DACH1: variants seen among roughly 807,000 people sequenced by gnomAD.
DACH1 encodes dachshund homolog 1.
DACH1 carries 12 observed loss-of-function variants against 54.2 expected under a neutral mutation model. That is an observed-to-expected ratio of 0.22 (90% CI 0.14 to 0.36). DACH1 has a LOEUF of 0.36. DACH1 is among the 10% of genes least tolerant of loss of function. The pLI, the probability that DACH1 is intolerant of heterozygous loss-of-function variation, is 1.00. For missense variants in DACH1, 805 were observed against 929.8 expected (o/e 0.87, Z 1.75); for synonymous variants, 386 against 366.2 (o/e 1.05, Z -0.62).
intron 2 of DACH1, among the ~76,000 whole-genome samples, chr13:71,645,297 A>T (rs1594037800): frequency 6.6e-6 from 1 of 152,230 alleles, no homozygotes; most frequent in African/African-American, 2.4e-5. Context: ...AGAAAAATGC[A>T]GAAATATCAA....
chr13:71,680,554 C>T (rs374785956), intron 2 of DACH1, among the ~76,000 whole-genome samples: 4 of 152,026 alleles, frequency 2.6e-5, no homozygotes, highest in South Asian at 2.1e-4. Flanking sequence ...CAGTGAGCCA[C>T]GACTGAGCGA....
chr13:71,757,719 C>T (rs1594184901), intron 1 of DACH1, among the ~76,000 whole-genome samples: 1 of 152,130 alleles, frequency 6.6e-6, no homozygotes, highest in East Asian at 1.9e-4. Flanking sequence ...GATGGGGCTT[C>T]ACCATGTTGG....
chr13:71,721,151 T>C (rs1883212342), intron 1 of DACH1, among the ~76,000 whole-genome samples: 1 of 152,158 alleles, frequency 6.6e-6, no homozygotes, highest in Admixed American at 6.6e-5. Flanking sequence ...ATACATAGTG[T>C]CGATGTTCAG....
intron 1 of DACH1, among the ~76,000 whole-genome samples, chr13:71,730,142 T>C (rs1394654309): frequency 6.6e-6 from 1 of 152,024 alleles, no homozygotes; most frequent in East Asian, 1.9e-4. Flanking sequence ...ATGGCACATG[T>C]ATACATATGT....
chr13:71,802,405 T>TAAGGG (rs1417357649), intron 1 of DACH1, among the ~76,000 whole-genome samples: 1 of 152,096 alleles, frequency 6.6e-6, no homozygotes, highest in Non-Finnish European at 1.5e-5. Flanking sequence ...TGAATCATTA[T>TAAGGG]TAATTTATAT....
chr13:71,531,268 T>G (rs1228825997), intron 6 of DACH1, among the ~76,000 whole-genome samples: 2 of 152,130 alleles, frequency 1.3e-5, no homozygotes, highest in Admixed American at 6.6e-5. Flanking sequence ...TTATCATGCA[T>G]GTATAAATAT....
intron 5 of DACH1, among the ~76,000 whole-genome samples, chr13:71,559,361 A>C (rs1884446275): frequency 6.6e-6 from 1 of 152,156 alleles, no homozygotes; most frequent in Admixed American, 6.5e-5. Context: ...TATGCTTTTT[A>C]AGTTTAGTAT....
chr13:71,790,110 A>G (rs1013680592), intron 1 of DACH1, among the ~76,000 whole-genome samples: 2 of 152,186 alleles, frequency 1.3e-5, no homozygotes, highest in African/African-American at 2.4e-5. Context: ...AAGGATAACA[A>G]ATGACTTCAT....
At chr13:71,564,655 A>T (rs1213398352) in intron 4 of DACH1, among the ~76,000 whole-genome samples, 1 of 152,172 alleles carries the variant, frequency 6.6e-6, no homozygotes, top group Non-Finnish European at 1.5e-5. Flanking sequence ...AATGTTCAGT[A>T]CTACACACAT....
At chr13:71,842,963 T>C (rs1024799978) in intron 1 of DACH1, among the ~76,000 whole-genome samples, 3 of 152,204 alleles carry the variant, frequency 2.0e-5, no homozygotes, top group Admixed American at 2.0e-4. Context: ...TTCAATAACA[T>C]TTTATAATTT....
intron 2 of DACH1, among the ~76,000 whole-genome samples, chr13:71,641,727 T>C (rs1422549833): frequency 6.6e-5 from 10 of 152,166 alleles, no homozygotes; most frequent in Admixed American, 3.9e-4. Flanking sequence ...ATGAAGCCCT[T>C]ATCTTGGCAC....
At chr13:71,652,718 T>C (rs535288613) in intron 2 of DACH1, among the ~76,000 whole-genome samples, 1 of 152,278 alleles carries the variant, frequency 6.6e-6, no homozygotes, top group South Asian at 2.1e-4. Context: ...ACTATAGCTA[T>C]ACTGAATTAT....
At position 71,721,567 on chromosome 13, in the gene DACH1, C is replaced by T. The variant is rs77025996; in HGVS notation, c.849-39657G>A. ...TAGCAATGTCACAATTAACAGTCTA[C>T]GTTTCATTTGCAGCCACTATTTCAA... On this transcript the variant is annotated intron_variant, in intron 1 of 10. Transcript: ENST00000613252. 6.1e-3 allele frequency among the ~76,000 whole-genome samples: 927 copies of T among 152,200 alleles called. 12 individuals are homozygous for T. The highest frequency in any genetic ancestry group is 0.021 in the African/African-American group (874 of 41,538).
intron 1 of DACH1, among the ~76,000 whole-genome samples, chr13:71,757,939 AT>A (rs56899393): frequency 6.6e-6 from 1 of 152,298 alleles, no homozygotes; most frequent in Middle Eastern, 3.4e-3. Context: ...CAATATCAAG[AT>A]TTTTTAAATT....
intron 3 of DACH1, among the ~76,000 whole-genome samples, chr13:71,620,360 A>G (rs1312571404): frequency 2.6e-5 from 4 of 151,986 alleles, no homozygotes; most frequent in African/African-American, 9.7e-5. Context: ...ATTTATAAAT[A>G]ATAAAGACTA....
chr13:71,551,793 AAAG>A (rs1883834014), intron 6 of DACH1, among the ~76,000 whole-genome samples: 3 of 152,290 alleles, frequency 2.0e-5, no homozygotes, highest in African/African-American at 4.8e-5. Context: ...ACTAAAATAT[AAAG>A]AAGAGACAAA....
At chr13:71,643,318 T>C (rs1344254011) in intron 2 of DACH1, among the ~76,000 whole-genome samples, 1 of 152,194 alleles carries the variant, frequency 6.6e-6, no homozygotes, top group East Asian at 1.9e-4. Flanking sequence ...CAAAAGCTTT[T>C]TGCAATACTC....
intron 6 of DACH1, among the ~76,000 whole-genome samples, chr13:71,515,021 T>G (rs1881054221): frequency 6.6e-6 from 1 of 151,928 alleles, no homozygotes; most frequent in Admixed American, 6.6e-5. Context: ...TTTTTTTATT[T>G]GATTTTGCAC....
chr13:71,447,144 G>A (rs1309989697), intron 10 of DACH1, among the ~76,000 whole-genome samples: 1 of 152,174 alleles, frequency 6.6e-6, no homozygotes, highest in Non-Finnish European at 1.5e-5. Flanking sequence ...TATTGTGCGT[G>A]TGAATTTTTG....
Sources: gnomAD v4.1 joint callset for allele counts (sites outside exome capture counted in the v4.1 genomes callset) on GRCh38, gnomAD v4.1.1 for gene constraint, MANE v1.5 for transcripts, NCBI Gene and HGNC (gene_info 2026-07-23, HGNC 2026-07-21) for gene names.